Variants in B3GALT1 observed in about 807,000 individuals in gnomAD.
B3GALT1 encodes beta-1,3-galactosyltransferase 1.
B3GALT1 carries 10 observed loss-of-function variants against 23.2 expected under a neutral mutation model. That is an observed-to-expected ratio of 0.43 (90% confidence interval 0.27 to 0.73). The LOEUF is 0.73. B3GALT1 is among the 30% of genes least tolerant of loss of function. The pLI is 0.21. For missense variants in B3GALT1, 299 were observed against 405.4 expected (o/e 0.74, Z 2.25); for synonymous variants, 156 against 141.5 (o/e 1.10, Z -0.73).
chr2:167,671,946 A>G (rs952973776), intron 3 of B3GALT1, among the ~76,000 whole-genome samples: 7 of 152,118 alleles, frequency 4.6e-5, no homozygotes, highest in African/African-American at 7.2e-5. Flanking sequence ...AGATATCACA[A>G]TTGATACCAC....
chr2:167,395,320 T>G (rs1698078021), intron 1 of B3GALT1, among the ~76,000 whole-genome samples: 1 of 152,004 alleles, frequency 6.6e-6, no homozygotes, highest in South Asian at 2.1e-4. Context: ...CCCTGGATTG[T>G]CTGGGTGGGC....
At chr2:167,857,953 A>C (rs1690026929) in intron 4 of B3GALT1, among the ~76,000 whole-genome samples, 1 of 152,036 alleles carries the variant, frequency 6.6e-6, no homozygotes, top group African/African-American at 2.4e-5. Flanking sequence ...GCCTATGAAG[A>C]AAAAAAATCA....
intron 1 of B3GALT1, among the ~76,000 whole-genome samples, chr2:167,321,368 A>G (rs564205474): frequency 3.2e-4 from 48 of 152,218 alleles, no homozygotes; most frequent in Non-Finnish European, 5.0e-4. Flanking sequence ...CAACTGTTAG[A>G]CTGATTGTTT....
At chr2:167,554,619 A>G (rs1204332196) in intron 2 of B3GALT1, among the ~76,000 whole-genome samples, 1 of 152,208 alleles carries the variant, frequency 6.6e-6, no homozygotes. Flanking sequence ...ATGCAATAAG[A>G]GTAAAGACTA....
intron 3 of B3GALT1, among the ~76,000 whole-genome samples, chr2:167,733,718 G>A (rs977628314): frequency 2.6e-5 from 4 of 152,132 alleles, no homozygotes; most frequent in Admixed American, 6.5e-5. Flanking sequence ...TGAGATCTCC[G>A]TAACAGTGTT....
At chr2:167,552,250 A>G (rs1166924720) in intron 2 of B3GALT1, among the ~76,000 whole-genome samples, 1 of 152,172 alleles carries the variant, frequency 6.6e-6, no homozygotes, top group Non-Finnish European at 1.5e-5. Flanking sequence ...TGATTCCTTG[A>G]CTATATGATT....
intron 3 of B3GALT1, among the ~76,000 whole-genome samples, chr2:167,790,814 T>G (rs540708167): frequency 6.6e-6 from 1 of 152,344 alleles, no homozygotes; most frequent in South Asian, 2.1e-4. Flanking sequence ...AGGATTTTTT[T>G]AATATCAATT....
chr2:167,433,691 A>G (rs1698737691), intron 1 of B3GALT1, among the ~76,000 whole-genome samples: 1 of 152,242 alleles, frequency 6.6e-6, no homozygotes, highest in South Asian at 2.1e-4. Context: ...ATTTAACTGA[A>G]CAGAAAAAAA....
intron 3 of B3GALT1, among the ~76,000 whole-genome samples, chr2:167,675,593 G>A (rs1686410892): frequency 6.6e-6 from 1 of 152,138 alleles, no homozygotes; most frequent in Admixed American, 6.6e-5. Flanking sequence ...GAATTCAACT[G>A]CTATGAGCAG....
intron 3 of B3GALT1, among the ~76,000 whole-genome samples, chr2:167,659,413 A>G (rs1427463937): frequency 6.6e-6 from 1 of 152,148 alleles, no homozygotes; most frequent in Non-Finnish European, 1.5e-5. Context: ...TGAAAACTTC[A>G]ATACTGAAAT....
chr2:167,691,114 G>A (rs1020919539), intron 3 of B3GALT1, among the ~76,000 whole-genome samples: 3 of 152,030 alleles, frequency 2.0e-5, no homozygotes, highest in African/African-American at 7.2e-5. Context: ...TTCCACTCTA[G>A]TATATTTTTA....
chr2:167,580,253 C>G (rs941488336), intron 2 of B3GALT1, among the ~76,000 whole-genome samples: 1 of 152,050 alleles, frequency 6.6e-6, no homozygotes, highest in Non-Finnish European at 1.5e-5. Context: ...AACAAAAATA[C>G]TTATGGAAAT....
intron 2 of B3GALT1, among the ~76,000 whole-genome samples, chr2:167,538,301 C>G (rs942191660): frequency 6.6e-6 from 1 of 152,174 alleles, no homozygotes; most frequent in African/African-American, 2.4e-5. Flanking sequence ...GAGTAAATTA[C>G]ACACATGCAT....
intron 2 of B3GALT1, among the ~76,000 whole-genome samples, chr2:167,638,705 T>C (rs985321376): frequency 6.6e-5 from 10 of 152,102 alleles, no homozygotes; most frequent in Non-Finnish European, 1.5e-4. Context: ...ATTGTGTTTT[T>C]GTGCCTTCAT....
intron 1 of B3GALT1, among the ~76,000 whole-genome samples, chr2:167,426,150 A>T (rs1698619181): frequency 6.6e-6 from 1 of 152,164 alleles, no homozygotes; most frequent in Non-Finnish European, 1.5e-5. Flanking sequence ...TATTACCAGG[A>T]TGATACATTG....
At chr2:167,806,508 T>C (rs1238813923) in intron 3 of B3GALT1, among the ~76,000 whole-genome samples, 1 of 152,220 alleles carries the variant, frequency 6.6e-6, no homozygotes, top group Non-Finnish European at 1.5e-5. Context: ...ACCTAACTTA[T>C]TGAGAGTTTT....
chr2:167,514,771 C>T (rs537755384), intron 2 of B3GALT1, among the ~76,000 whole-genome samples: 1 of 152,088 alleles, frequency 6.6e-6, no homozygotes, highest in Non-Finnish European at 1.5e-5. Flanking sequence ...CTGAGACTGT[C>T]CAAGCCATAG....
rs78743415 is a variant in B3GALT1, at chr2:167,459,708, A to T, written c.-510-30469A>T. Among the ~76,000 whole-genome samples, 116 of 152,182 alleles carry T rather than the reference A, an allele frequency of 7.6e-4. 1 individual carries two copies. The East Asian group carries it at 0.018, about 24-fold the overall frequency. On this transcript the variant is annotated intron_variant, in intron 1 of 4. Transcript: ENST00000392690. ...CCTTTATTGAGTTTTTTATTTTTTCATATGGCTTCAAGTTACTGTCTGGTG... is the reference window on the plus strand; with the variant it reads ...CCTTTATTGAGTTTTTTATTTTTTCTTATGGCTTCAAGTTACTGTCTGGTG...
At chr2:167,712,795 A>C (rs1387623326) in intron 3 of B3GALT1, among the ~76,000 whole-genome samples, 1 of 152,160 alleles carries the variant, frequency 6.6e-6, no homozygotes, top group African/African-American at 2.4e-5. Flanking sequence ...GGCTATCTCC[A>C]TTTTAAGCAC....
Sources: gnomAD v4.1 joint callset for allele counts (sites outside exome capture counted in the v4.1 genomes callset) on GRCh38, gnomAD v4.1.1 for gene constraint, MANE v1.5 for transcripts, NCBI Gene and HGNC (gene_info 2026-07-23, HGNC 2026-07-21) for gene names.